LMNB2: variants seen among roughly 807,000 people sequenced by gnomAD.
LMNB2 encodes the protein lamin B2, also known as lamin-B2.
Under a neutral mutation model 69.3 loss-of-function variants are expected in LMNB2, and 17 were observed. The ratio of observed to expected loss-of-function variants is 0.25; its 90% CI spans 0.17 to 0.37. LMNB2 has a LOEUF of 0.37. Among genes scored for constraint, LMNB2 ranks in the 10% least tolerant of loss-of-function variants. LMNB2 has a pLI of 1.00. For missense variants in LMNB2, 789 were observed against 883.6 expected (o/e 0.89, Z 1.36); for synonymous variants, 397 against 389.3 (o/e 1.02, Z -0.23).
intron 9 of LMNB2, 83 bp downstream of exon 9, chr19:2,432,333 C>A: frequency 2.2e-6 from 2 of 906,300 alleles, no homozygotes; most frequent in East Asian, 2.6e-5. Context: ...CACCCACCCC[C>A]GCCAAGTCCT....
chr19:2,449,833 C>T (rs909100941), intron 1 of LMNB2, among the ~76,000 whole-genome samples: 14 of 151,140 alleles, frequency 9.3e-5, no homozygotes, highest in South Asian at 2.1e-4. Context: ...CCCAGCACTT[C>T]GGGAGGCCAA....
Position 2,430,751 on chromosome 19 carries a change from A to G in LMNB2, c.*160T>C. The G allele has an allele frequency of 2.8e-6, 2 of 708,436 alleles. No homozygotes were observed. The highest frequency in any genetic ancestry group is 5.2e-6 in the Non-Finnish European group (2 of 381,932). 43.9% of individuals were successfully genotyped at this position (708,436 alleles called of 1,614,324 possible). Reference sequence around the variant, plus strand: ...TGGCAGCGAAGTGAGGCTGGAGGAGACCCGCCAGGAGGGAGGGCTGGGGGA... The same window carrying G: ...TGGCAGCGAAGTGAGGCTGGAGGAGGCCCGCCAGGAGGGAGGGCTGGGGGA... On this transcript the variant is annotated 3_prime_UTR_variant, in exon 12 of 12. Transcript: ENST00000325327.
intron 1 of LMNB2, among the ~76,000 whole-genome samples, chr19:2,449,258 C>T (rs1971992679): frequency 6.6e-6 from 1 of 152,178 alleles, no homozygotes. Context: ...CAGCATTCCA[C>T]AGAGGAGCGG....
rs1479457395 is a variant in LMNB2, at chr19:2,434,864, G to A, written c.905C>T (p.Ala302Val). Reference sequence around the variant, plus strand: ...GGCCTCCTTCAGCTCCTCGCGAGCCGCACTGGCCGCCTTGTCGTTCTGGTC... The same window carrying A: ...GGCCTCCTTCAGCTCCTCGCGAGCCACACTGGCCGCCTTGTCGTTCTGGTC... ...SSDQNDKAASAAREELKEARM... is the reference protein window; with the variant it reads ...SSDQNDKAASVAREELKEARM... The change falls in exon 6 of 12, where the codon GCG (alanine) becomes GTG (valine). Residue 302 changes from alanine to valine, a missense_variant. Ala to Val is a moderately conservative substitution (Grantham distance 64). This residue lies in a region of LMNB2 where 609 missense variants were observed against 630.9 expected (regional missense o/e 0.97). Transcript: ENST00000325327. 3.1e-6 allele frequency: 5 copies of A among 1,607,494 alleles called. No homozygotes were observed. The highest frequency in any genetic ancestry group is 2.2e-5 in the East Asian group (1 of 44,818).
chr19:2,435,306 C>A, intron 4 of LMNB2, 135 bp from the exon 5 acceptor site: 2 of 1,281,062 alleles, frequency 1.6e-6, no homozygotes, highest in Middle Eastern at 2.7e-4. Flanking sequence ...CAAACCGATA[C>A]ACGTGCAGGT....
chr19:2,451,266 G>C (rs544369920), intron 1 of LMNB2, among the ~76,000 whole-genome samples: 13 of 152,264 alleles, frequency 8.5e-5, no homozygotes, highest in Admixed American at 3.3e-4. Context: ...TAAAGGCCAG[G>C]GGGGAAGATG....
intron 2 of LMNB2, among the ~76,000 whole-genome samples, chr19:2,442,781 G>A (rs553691551): frequency 2.0e-5 from 3 of 152,220 alleles, no homozygotes; most frequent in South Asian, 4.2e-4. Flanking sequence ...TAGATGCCAC[G>A]CACTGCTCAG....
rs977012741 is a variant in LMNB2, at chr19:2,432,582, C to G, written c.1483-59G>C. On this transcript the variant is annotated intron_variant, in intron 8 of 11. Coordinates refer to ENST00000325327, the MANE Select transcript of LMNB2 (RefSeq NM_032737.4). Reference sequence around the variant, plus strand: ...ACCAGGACTGTGACACCGCCCCCATCGCCCTGGCTGGTGGCCCCATCACCC... The same window carrying G: ...ACCAGGACTGTGACACCGCCCCCATGGCCCTGGCTGGTGGCCCCATCACCC... 3.5e-6 allele frequency: 5 copies of G among 1,422,090 alleles called. No individual in the cohort carries two copies. The African/African-American group carries it at 7.0e-5, about 20-fold the overall frequency. 88.1% of individuals were successfully genotyped at this position (1,422,090 alleles called of 1,614,324 possible). A position where few individuals can be genotyped will look rare whatever the true frequency, so the allele number is the denominator to read the frequency against.
In LMNB2 at chr19:2,430,831, G is replaced by A. The variant is rs955011405; in HGVS notation, c.*80C>T. Reference sequence around the variant, plus strand: ...TAGAAATTCTCTAGAAATGTATCAAGAACTAAAGAAAGCCAATGATATAAA... The same window carrying A: ...TAGAAATTCTCTAGAAATGTATCAAAAACTAAAGAAAGCCAATGATATAAA... On this transcript the variant is annotated 3_prime_UTR_variant, in exon 12 of 12. Transcript: ENST00000325327. 1.0e-6 allele frequency: 1 copy of A among 959,530 alleles called. No individual in the cohort carries two copies. The highest frequency in any genetic ancestry group is 1.7e-6 in the Non-Finnish European group (1 of 582,176). 59.4% of individuals were successfully genotyped at this position (959,530 alleles called of 1,614,324 possible). A position where few individuals can be genotyped will look rare whatever the true frequency, so the allele number is the denominator to read the frequency against.
rs550541045 is a variant in LMNB2, at chr19:2,431,453, C to T, written c.1821+95G>A. On this transcript the variant is annotated intron_variant, in intron 11 of 11. Coordinates refer to ENST00000325327, the MANE Select transcript of LMNB2 (RefSeq NM_032737.4). ...CACGGCAGCCAGATGGAGCTCCCGT[C>T]GGGGATGCGGCCAGCACGCATGTGT... The T allele has an allele frequency of 2.9e-4, 446 of 1,530,930 alleles. 1 individual carries two copies. The highest frequency in any genetic ancestry group is 1.0e-3 in the Middle Eastern group (6 of 5,848). 94.8% of individuals were successfully genotyped at this position (1,530,930 alleles called of 1,614,324 possible).
intron 9 of LMNB2, 75 bp from the exon 10 acceptor site, chr19:2,431,977 C>A: frequency 6.5e-7 from 1 of 1,535,104 alleles, no homozygotes. Flanking sequence ...GTGGCCCCTA[C>A]CACAAAGCCC....
rs746824767 is a variant in LMNB2, at chr19:2,430,945, G to A, written c.1829C>T (p.Pro610Leu). Residue 610 changes from proline (P) to leucine (L), a missense_variant, in exon 12 of 12, where the codon CCG becomes CTG. Around this residue, in one of 3 missense-constraint regions of LMNB2, gnomAD observed 609 missense variants for 630.9 expected, o/e 0.97. Transcript: ENST00000325327. Reference protein sequence around the residue: ...EEDLFHQQGDPRTTSRGCYVM With the variant: ...EEDLFHQQGDLRTTSRGCYVM ...GTAGCAGCCTCTTGAGGTGGTCCTCGGGTCCCCCTGCAGGAAGGAAGGAAG... is the reference window on the plus strand; with the variant it reads ...GTAGCAGCCTCTTGAGGTGGTCCTCAGGTCCCCCTGCAGGAAGGAAGGAAG... The A allele has an allele frequency of 1.2e-5, 19 of 1,609,082 alleles. 1 individual carries two copies. Among genetic ancestry groups the A allele is most frequent in the East Asian group, 2.2e-5 (1 of 44,876 alleles).
intron 2 of LMNB2, among the ~76,000 whole-genome samples, chr19:2,440,689 C>T (rs1045713490): frequency 1.3e-5 from 2 of 151,782 alleles, no homozygotes; most frequent in African/African-American, 2.4e-5. Context: ...TTCCATCCAT[C>T]CCTCAATCAT....
rs768517028 is a variant in LMNB2, at chr19:2,435,098, T to A, written c.758A>T (p.Asp253Val). The change falls in exon 5 of 12, where the codon GAC becomes GTC. Residue 253 changes from aspartate to valine, a missense_variant. Physicochemically the swap from Asp to Val is radical, Grantham distance 152 (BLOSUM62 -3). Transcript: ENST00000325327. The stretch of plus-strand genomic sequence containing the variant: ...CTCCAGCGCCTGTGCCATCTTGAAG[T>A]CGTACTCCTGCTGCCGGCTGCTGTC... Reference protein sequence around the residue: ...EVDSSRQQEYDFKMAQALEEL... With the variant: ...EVDSSRQQEYVFKMAQALEEL... 6.2e-7 allele frequency: 1 copy of A among 1,609,798 alleles called. No homozygotes were observed. Among genetic ancestry groups the A allele is most frequent in the Non-Finnish European group, 8.5e-7 (1 of 1,179,636 alleles).
chr19:2,450,439 ACAAC>A (rs1972009362), intron 1 of LMNB2, among the ~76,000 whole-genome samples: 1 of 149,516 alleles, frequency 6.7e-6, no homozygotes, highest in African/African-American at 2.5e-5. Context: ...CTGCAGTCCT[ACAAC>A]TTTGGGAGGC....
chr19:2,431,256 C>T (rs1295881877), intron 11 of LMNB2, among the ~76,000 whole-genome samples: 4 of 152,180 alleles, frequency 2.6e-5, no homozygotes, highest in Non-Finnish European at 2.9e-5. Context: ...CTGAGGAAGC[C>T]GGTTGACCAG....
Position 2,453,453 on chromosome 19 carries a change from C to T in LMNB2, c.264+3217G>A, listed in dbSNP as rs1254833862. On this transcript the variant is annotated intron_variant, in intron 1 of 11. Transcript: ENST00000325327. This position sits in a 1 kb window ranked among gnomAD's most constrained non-coding sequence, Gnocchi z 4.4. ...CCCTCCATGTGGGCCCACATGACGT[C>T]CCCCCACCAGCGGCCCCCACCCCAG... Among the ~76,000 whole-genome samples, 1 of 151,828 alleles carries T rather than the reference C, an allele frequency of 6.6e-6. No individual in the cohort carries two copies. The highest frequency in any genetic ancestry group is 1.9e-4 in the East Asian group (1 of 5,166).
At position 2,438,070 on chromosome 19, in the gene LMNB2, C is replaced by T. The variant is rs1971848900; in HGVS notation, c.684+93G>A. The T allele has an allele frequency of 3.2e-6, 5 of 1,586,180 alleles. No homozygotes were observed. The African/African-American group carries it at 4.0e-5, about 13-fold the overall frequency. ...CTAGAGCCGTGGGAGGGACCCCGGC[C>T]ACACGGTGCCCTCAGGCTTCCGCCC... On this transcript the variant is annotated intron_variant, in intron 4 of 11. Coordinates refer to ENST00000325327, the MANE Select transcript of LMNB2 (RefSeq NM_032737.4).
intron 7 of LMNB2, 21 bp downstream of exon 7, chr19:2,434,274 A>G (rs759685711): frequency 1.0e-5 from 16 of 1,606,384 alleles, no homozygotes; most frequent in African/African-American, 9.6e-5. Context: ...CTGTGCTCCC[A>G]AGCCTCCTGG....
Sources: gnomAD v4.1 joint callset for allele counts (sites outside exome capture counted in the v4.1 genomes callset) on GRCh38, gnomAD v4.1.1 for gene constraint, gnomAD v4.1.1 regional missense constraint, Gnocchi (gnomAD v3.1) non-coding constraint, MANE v1.5 for transcripts, NCBI Gene and HGNC (gene_info 2026-07-23, HGNC 2026-07-21) for gene names.